Variants in PLA2G4E observed in about 807,000 individuals in gnomAD.
PLA2G4E encodes phospholipase A2 group IVE.
A neutral mutation model predicts 109.1 loss-of-function variants in PLA2G4E; 84 were observed. The observed-to-expected ratio is 0.77, with a 90% CI of 0.65 to 0.92. The LOEUF is 0.92. Among genes scored for constraint, PLA2G4E ranks in the 40% least tolerant of loss-of-function variants. The probability of loss-of-function intolerance (pLI) is 0.00; values close to 1 mark genes in which losing one functional copy is unlikely to be tolerated. For synonymous variants in PLA2G4E, 469 were observed against 436.1 expected, an observed-to-expected ratio of 1.08 and a Z score of -0.94; for missense variants, 1,057 against 1,076.6, an observed-to-expected ratio of 0.98 and a Z score of 0.25.
intron 1 of PLA2G4E, among the ~76,000 whole-genome samples, chr15:42,042,473 T>C (rs1889332249): frequency 6.6e-6 from 1 of 152,220 alleles, no homozygotes; most frequent in Non-Finnish European, 1.5e-5. Context: ...AGAACATTAT[T>C]ATAAATAAAG....
At chr15:41,986,085 G>T in intron 17 of PLA2G4E, 80 bp from the exon 18 acceptor site, 1 of 1,445,918 alleles carries the variant, frequency 6.9e-7, no homozygotes, top group Non-Finnish European at 9.4e-7. Context: ...GGGACGGAGC[G>T]CCCTGTCTGG....
intron 1 of PLA2G4E, among the ~76,000 whole-genome samples, chr15:42,043,024 A>C (rs1889342718): frequency 6.6e-6 from 1 of 152,198 alleles, no homozygotes; most frequent in Non-Finnish European, 1.5e-5. Context: ...GAACTTAGTC[A>C]CTTGGAAGGT....
chr15:41,993,388 G>A (rs2068283526), intron 12 of PLA2G4E, among the ~76,000 whole-genome samples: 1 of 152,192 alleles, frequency 6.6e-6, no homozygotes, highest in Non-Finnish European at 1.5e-5. Flanking sequence ...ATGAGTTAAG[G>A]TGATGTGGGG....
chr15:41,991,892 C>T (rs938344549), intron 13 of PLA2G4E, among the ~76,000 whole-genome samples: 3 of 152,174 alleles, frequency 2.0e-5, no homozygotes, highest in Non-Finnish European at 4.4e-5. Flanking sequence ...TCGGCTTGTG[C>T]AACCTAAAGG....
At chr15:41,984,467 G>A (rs1475332216) in exon 19 of PLA2G4E, 1 of 1,613,628 alleles carries the variant, frequency 6.2e-7, no homozygotes, top group Non-Finnish European at 8.5e-7. Flanking sequence ...AAGTGTCATT[G>A]ATGAGTGGGA....
chr15:42,035,741 A>C (rs1013825970), intron 1 of PLA2G4E, among the ~76,000 whole-genome samples: 6 of 152,178 alleles, frequency 3.9e-5, no homozygotes, highest in Non-Finnish European at 8.8e-5. Flanking sequence ...TGACTCTGTC[A>C]CCAGTGTGAT....
intron 1 of PLA2G4E, among the ~76,000 whole-genome samples, chr15:42,024,503 C>T (rs1021416542): frequency 3.9e-5 from 6 of 152,204 alleles, no homozygotes; most frequent in Non-Finnish European, 8.8e-5. Context: ...TGACCAGGCA[C>T]TGCCTCTGCC....
chr15:42,050,441 G>A (rs777540328), intron 1 of PLA2G4E: 56 of 1,432,466 alleles, frequency 3.9e-5, no homozygotes, highest in Admixed American at 1.8e-4. Context: ...CTGCAGCAAT[G>A]CAGGTGATCT....
chr15:42,032,322 G>C (rs1889126768), intron 1 of PLA2G4E, among the ~76,000 whole-genome samples: 1 of 152,330 alleles, frequency 6.6e-6, no homozygotes, highest in South Asian at 2.1e-4. Flanking sequence ...TTCTAACAGA[G>C]AAAAATAATT....
At chr15:42,023,010 G>C in intron 1 of PLA2G4E, among the ~76,000 whole-genome samples, 1 of 152,132 alleles carries the variant, frequency 6.6e-6, no homozygotes, top group East Asian at 1.9e-4. Context: ...CTAGGAGGAA[G>C]AGAGAGGCAT....
chr15:41,987,437 C>T (rs1027748364), intron 16 of PLA2G4E, 62 bp from the exon 17 acceptor site: 19 of 1,504,958 alleles, frequency 1.3e-5, no homozygotes, highest in Middle Eastern at 2.0e-4. Context: ...ATTGCCTATG[C>T]GAAGCCCCAC....
chr15:42,011,064 C>T (rs539723576), intron 2 of PLA2G4E, among the ~76,000 whole-genome samples: 1 of 152,368 alleles, frequency 6.6e-6, no homozygotes, highest in South Asian at 2.1e-4. Flanking sequence ...ACTGTGGAAT[C>T]CAGACCAGAC....
At chr15:42,008,719 A>G (rs1264735519) in intron 2 of PLA2G4E, among the ~76,000 whole-genome samples, 1 of 152,168 alleles carries the variant, frequency 6.6e-6, no homozygotes, top group African/African-American at 2.4e-5. Flanking sequence ...GGGAGGAGGG[A>G]GGCAGAGGGG....
In PLA2G4E at chr15:41,984,629, C is replaced by T. The variant is rs1442510533; in HGVS notation, c.2203-10G>A. 2 of 1,577,954 alleles carry T rather than the reference C, an allele frequency of 1.3e-6. No homozygotes were observed. Among genetic ancestry groups the T allele is most frequent in the Admixed American group, 1.7e-5 (1 of 58,544 alleles). On this transcript the variant is annotated splice_polypyrimidine_tract_variant and intron_variant, in intron 18 of 19. Coordinates refer to ENST00000399518, the Ensembl canonical transcript of PLA2G4E. ...AGGTTTGTTTCAGGGGCTGGAACAGCACAGAGGGCGTGTTTGAGCATTAGG... is the reference window on the plus strand; with the variant it reads ...AGGTTTGTTTCAGGGGCTGGAACAGTACAGAGGGCGTGTTTGAGCATTAGG...
chr15:42,002,052 G>A (rs1418438723), intron 6 of PLA2G4E, among the ~76,000 whole-genome samples: 3 of 152,144 alleles, frequency 2.0e-5, no homozygotes, highest in African/African-American at 7.2e-5. Flanking sequence ...GCTCACACCT[G>A]TAATCCCAGT....
chr15:42,050,428 A>C, intron 1 of PLA2G4E: 3 of 1,390,294 alleles, frequency 2.2e-6, no homozygotes, highest in Non-Finnish European at 2.9e-6. Flanking sequence ...CAACCTCTTA[A>C]CTCTGCAGCA....
chr15:42,015,550 T>C (rs2068580839), intron 1 of PLA2G4E, among the ~76,000 whole-genome samples: 1 of 152,226 alleles, frequency 6.6e-6, no homozygotes, highest in Admixed American at 6.5e-5. Context: ...GAATGAACCA[T>C]CTTCTAGAGT....
At position 41,999,565 on chromosome 15, in the gene PLA2G4E, G is replaced by A; in HGVS notation, c.937-4C>T. On this transcript the variant is annotated splice_region_variant and splice_polypyrimidine_tract_variant and intron_variant, in intron 9 of 19. Coordinates refer to ENST00000399518, the Ensembl canonical transcript of PLA2G4E. ...TGTGTAATTCATAACTCTCACCCTG[G>A]GGAGGGAAAGATGAAAAGCTTGTCA... 2 of 1,612,160 alleles carry A rather than the reference G, an allele frequency of 1.2e-6. No individual in the cohort carries two copies. The highest frequency in any genetic ancestry group is 1.7e-6 in the Non-Finnish European group (2 of 1,179,100).
At chr15:41,990,546 A>G (rs2068226779) in intron 13 of PLA2G4E, among the ~76,000 whole-genome samples, 2 of 152,062 alleles carry the variant, frequency 1.3e-5, no homozygotes, top group African/African-American at 4.8e-5. Flanking sequence ...GGGAGAGGCT[A>G]GCACTGCCCC....
Sources: gnomAD v4.1 joint callset for allele counts (sites outside exome capture counted in the v4.1 genomes callset) on GRCh38, gnomAD v4.1.1 for gene constraint, MANE v1.5 for transcripts, NCBI Gene and HGNC (gene_info 2026-07-23, HGNC 2026-07-21) for gene names.